Variants in DYNC2H1 observed in about 807,000 individuals in gnomAD.
The protein encoded by DYNC2H1 is cytoplasmic dynein 2 heavy chain 1.
DYNC2H1 carries 410 observed loss-of-function variants against 570.0 expected under a neutral mutation model. That is an observed-to-expected ratio of 0.72 (90% CI 0.66 to 0.78). The LOEUF is 0.78. Ranked by LOEUF, DYNC2H1 falls within the 30% of genes least tolerant of loss-of-function variation. The pLI, the probability that DYNC2H1 is intolerant of heterozygous loss-of-function variation, is 0.00. For missense variants in DYNC2H1, 4,865 were observed against 5,046.4 expected, an observed-to-expected ratio of 0.96 and a Z score of 1.09; for synonymous variants, 1,688 against 1,677.6, an observed-to-expected ratio of 1.01 and a Z score of -0.15.
In DYNC2H1 at chr11:103,125,304, T is replaced by G; in HGVS notation, c.1857+9T>G. The G allele has an allele frequency of 6.3e-7, 1 of 1,578,204 alleles. No individual in the cohort carries two copies. Among genetic ancestry groups the G allele is most frequent in the Non-Finnish European group, 8.6e-7 (1 of 1,160,182 alleles). On this transcript the variant is annotated intron_variant, in intron 12 of 88. Transcript: ENST00000375735. ...CAATTATTCTTAAACAAGTATGAAATTACATTTTTTGAATACCTGCCTATT... is the reference window on the plus strand; with the variant it reads ...CAATTATTCTTAAACAAGTATGAAAGTACATTTTTTGAATACCTGCCTATT...
At chr11:103,164,568 T>A (rs961076144) in intron 30 of DYNC2H1, among the ~76,000 whole-genome samples, 1 of 152,210 alleles carries the variant, frequency 6.6e-6, no homozygotes, top group Admixed American at 6.5e-5. Flanking sequence ...GTAGAAAGAA[T>A]CTGACTTTGG....
At chr11:103,246,986 C>T (rs1279009229) in intron 65 of DYNC2H1, among the ~76,000 whole-genome samples, 4 of 150,998 alleles carry the variant, frequency 2.6e-5, no homozygotes, top group South Asian at 2.1e-4. Flanking sequence ...TTCTCTTTTT[C>T]TCTCTCTCTC....
At chr11:103,182,934 C>T (rs1861911394) in intron 40 of DYNC2H1, among the ~76,000 whole-genome samples, 1 of 151,722 alleles carries the variant, frequency 6.6e-6, no homozygotes, top group Admixed American at 6.6e-5. Context: ...GTGAGGATAG[C>T]GATGCAAGTG....
intron 71 of DYNC2H1, among the ~76,000 whole-genome samples, chr11:103,281,351 A>G (rs2135339005): frequency 6.6e-6 from 1 of 152,164 alleles, no homozygotes; most frequent in Middle Eastern, 3.4e-3. Context: ...AGTATGTTCC[A>G]TGAAATATAT....
At chr11:103,123,031 C>T in intron 11 of DYNC2H1, 31 bp downstream of exon 11, 1 of 1,299,492 alleles carries the variant, frequency 7.7e-7, no homozygotes, top group East Asian at 2.8e-5. Context: ...CTGTAAAATC[C>T]AAAACCATAT....
At chr11:103,349,381 C>T (rs544832237) in intron 82 of DYNC2H1, among the ~76,000 whole-genome samples, 11 of 151,952 alleles carry the variant, frequency 7.2e-5, no homozygotes, top group African/African-American at 2.2e-4. Context: ...TTATATGTTC[C>T]GTGTGTCTTA....
At chr11:103,125,848 G>A (rs949733469) in intron 12 of DYNC2H1, among the ~76,000 whole-genome samples, 3 of 152,164 alleles carry the variant, frequency 2.0e-5, no homozygotes, top group Admixed American at 1.3e-4. Flanking sequence ...TGTACCCTAT[G>A]CTTCAGTAAT....
At chr11:103,187,292 T>A (rs1468896276) in intron 42 of DYNC2H1, 48 bp from the exon 43 acceptor site, 2 of 1,606,076 alleles carry the variant, frequency 1.2e-6, no homozygotes, top group South Asian at 2.2e-5. Context: ...AAAATGTATT[T>A]TGTTGGTTGC....
rs1591375955 is a variant in DYNC2H1 at position 103,186,051 on chromosome 11, A to G, written c.6634-191A>G. On this transcript the variant is annotated intron_variant, in intron 41 of 88. Transcript: ENST00000375735. This position sits in a 1 kb window ranked among gnomAD's most constrained non-coding sequence, Gnocchi z 4.5. ...TTATCTCCTATATATACTTTAATTT[A>G]CTTGCATAAATGATCATTTAGAGAA... Among the ~76,000 whole-genome samples, 1 of 152,140 alleles carries G rather than the reference A, an allele frequency of 6.6e-6. No homozygotes were observed. Among genetic ancestry groups the G allele is most frequent in the East Asian group, 1.9e-4 (1 of 5,184 alleles).
intron 84 of DYNC2H1, among the ~76,000 whole-genome samples, chr11:103,434,451 G>T (rs1943995042): frequency 6.8e-6 from 1 of 147,096 alleles, no homozygotes; most frequent in African/African-American, 2.5e-5. Flanking sequence ...AGTCCTCAAA[G>T]CTCCATAGGC....
rs377416988 is a variant in DYNC2H1 at position 103,253,263 on chromosome 11, A to G, written c.10043-22A>G. The stretch of plus-strand genomic sequence containing the variant: ...AAATACAGAAGATTCAGACCAACCA[A>G]TTGTGTGTTTTTTTTAAATAGGACC... On this transcript the variant is annotated intron_variant, in intron 65 of 88. Coordinates refer to ENST00000375735, the MANE Select transcript of DYNC2H1 (RefSeq NM_001377.3). The G allele has an allele frequency of 2.2e-4, 355 of 1,593,766 alleles. 1 individual carries two copies. The African/African-American group carries it at 4.4e-3, about 20-fold the overall frequency.
chr11:103,470,906 T>C (rs889906134), intron 88 of DYNC2H1, among the ~76,000 whole-genome samples: 1 of 152,162 alleles, frequency 6.6e-6, no homozygotes, highest in Non-Finnish European at 1.5e-5. Context: ...AGCAGCATGA[T>C]TTATAATCCT....
intron 59 of DYNC2H1, among the ~76,000 whole-genome samples, chr11:103,225,954 T>TA (rs1863784626): frequency 1.1e-5 from 1 of 92,674 alleles, no homozygotes; most frequent in Non-Finnish European, 2.4e-5. Context: ...TATTCCTAAG[T>TA]ATTTTTTTTT....
At chr11:103,291,799 C>T (rs2408580) in intron 75 of DYNC2H1, among the ~76,000 whole-genome samples, 25,139 of 152,172 alleles carry the variant, frequency 0.17, 2,258 homozygotes, top group Admixed American at 0.25. Context: ...TTTATCATTA[C>T]ACAATGACTT....
intron 65 of DYNC2H1, among the ~76,000 whole-genome samples, chr11:103,251,192 A>ACAGAACT (rs1864814271): frequency 6.6e-6 from 1 of 152,056 alleles, no homozygotes; most frequent in Non-Finnish European, 1.5e-5. Context: ...AAATATTTTG[A>ACAGAACT]AAGCTATGTT....
chr11:103,255,514 C>T lies in DYNC2H1; in HGVS notation c.10306C>T (p.Leu3436Phe). 1 of 1,555,532 alleles carries T rather than the reference C, an allele frequency of 6.4e-7. No homozygotes were observed. Among genetic ancestry groups the T allele is most frequent in the Non-Finnish European group, 8.7e-7 (1 of 1,149,052 alleles). Residue 3436 changes from leucine (L) to phenylalanine (F), a missense_variant, in exon 67 of 89, where the codon CTC becomes TTC. Coordinates refer to ENST00000375735, the MANE Select transcript of DYNC2H1 (RefSeq NM_001377.3). ...EEDKKIQLAKLEESLLETLAT... is the reference protein window; with the variant it reads ...EEDKKIQLAKFEESLLETLAT... ...AGATAAGAAAATACAGCTAGCCAAG[C>T]TCGAAGAATCTCTTCTAGAGGTAAA...
chr11:103,170,105 T>C lies in DYNC2H1; in HGVS notation c.4969-3T>C. On this transcript the variant is annotated splice_polypyrimidine_tract_variant and splice_region_variant and intron_variant, in intron 32 of 88. Coordinates refer to ENST00000375735, the MANE Select transcript of DYNC2H1 (RefSeq NM_001377.3). The surrounding 1 kb of genome is among the most constrained non-coding windows in gnomAD (Gnocchi z 4.8). The stretch of plus-strand genomic sequence containing the variant: ...ACTCTGACTTTGTGTTGTTCTTGTA[T>C]AGGGTAATGCTTCCAAACTGGTTTA... The C allele has an allele frequency of 6.2e-7, 1 of 1,606,038 alleles. No homozygotes were observed. Among genetic ancestry groups the C allele is most frequent in the Non-Finnish European group, 8.5e-7 (1 of 1,176,456 alleles).
chr11:103,296,749 TC>T (rs1019431915), intron 75 of DYNC2H1, among the ~76,000 whole-genome samples: 1 of 152,086 alleles, frequency 6.6e-6, no homozygotes, highest in African/African-American at 2.4e-5. Context: ...CTTTTTTTTT[TC>T]AGCATACAAA....
In DYNC2H1 at chr11:103,189,689, A is replaced by C; in HGVS notation, c.7310A>C (p.Gln2437Pro). The change falls in exon 45 of 89, where the codon CAG (glutamine) becomes CCG (proline). Residue 2437 changes from glutamine to proline, a missense_variant. Gln to Pro is a moderately conservative substitution (Grantham distance 76, BLOSUM62 -1). This residue lies in a region of DYNC2H1 where 2,401 missense variants were observed against 2,454.6 expected (regional missense o/e 0.98). Transcript: ENST00000375735. This position sits in a 1 kb window ranked among gnomAD's most constrained non-coding sequence, Gnocchi z 4.3. ...LCSIDYPERE[Q>P]LQTIYGAYLE... is the part of the protein sequence containing the mutation. ...TTTTTTAGTTACCCAGAAAGAGAGC[A>C]GTTACAAACGATTTATGGAGCATAT... 1 of 1,612,946 alleles carries C rather than the reference A, an allele frequency of 6.2e-7. No homozygotes were observed. The highest frequency in any genetic ancestry group is 8.5e-7 in the Non-Finnish European group (1 of 1,179,380).
Sources: gnomAD v4.1 joint callset for allele counts (sites outside exome capture counted in the v4.1 genomes callset) on GRCh38, gnomAD v4.1.1 for gene constraint, gnomAD v4.1.1 regional missense constraint, Gnocchi (gnomAD v3.1) non-coding constraint, MANE v1.5 for transcripts, NCBI Gene and HGNC (gene_info 2026-07-23, HGNC 2026-07-21) for gene names.